The following SNTG1 variants were observed in gnomAD, a reference collection of about 807,000 sequenced individuals.
The protein encoded by SNTG1 is gamma-1-syntrophin.
In SNTG1, 39 loss-of-function variants were observed where a neutral mutation model predicts 74.7. That is an observed-to-expected ratio of 0.52 (90% CI 0.40 to 0.68). The LOEUF (loss-of-function observed/expected upper bound fraction) is 0.68, where lower values mean the gene tolerates loss of function less well. Ranked by LOEUF, SNTG1 falls within the 30% of genes least tolerant of loss-of-function variation. SNTG1 has a pLI of 0.00. For missense variants in SNTG1, 685 were observed against 609.5 expected (o/e 1.12, Z -1.30); for synonymous variants, 254 against 217.1 (o/e 1.17, Z -1.49).
chr8:50,419,013 A>T lies in SNTG1; in HGVS notation c.162+16669A>T, dbSNP rs527349925. Among the ~76,000 whole-genome samples, 15 of 148,324 alleles carry T rather than the reference A, an allele frequency of 1.0e-4. No individual in the cohort carries two copies. In the East Asian group the frequency reaches 1.8e-3, roughly 17 times the overall value. ...TTAAAAACTATGACTATTATCTTTT[A>T]AAAAAAATACCATAAGGCTCTGAAA... On this transcript the variant is annotated intron_variant, in intron 4 of 18. Transcript: ENST00000642720.
chr8:50,645,336 T>C (rs1483012046), intron 13 of SNTG1, among the ~76,000 whole-genome samples: 4 of 142,806 alleles, frequency 2.8e-5, no homozygotes, highest in Non-Finnish European at 6.0e-5. Context: ...CATTTTATTA[T>C]TTTGTAATTT....
intron 1 of SNTG1, among the ~76,000 whole-genome samples, chr8:50,064,264 C>G (rs943017863): frequency 6.6e-6 from 1 of 152,146 alleles, no homozygotes; most frequent in Non-Finnish European, 1.5e-5. Context: ...TTTGCCTCAT[C>G]TTTGGAAATG....
intron 18 of SNTG1, among the ~76,000 whole-genome samples, chr8:50,772,256 T>G (rs2095629050): frequency 1.3e-5 from 2 of 152,266 alleles, no homozygotes. Context: ...GGAGTTGAAC[T>G]GCCCAAGACC....
rs1563364922 is a variant in SNTG1, at chr8:50,422,335, T to TATC, written c.163-16206_163-16205insCAT. ...TTGATTGACCAAGTAGACAAAAAGA[T>TATC]ATATAGAAGGACTCAGAAACATTAT... On this transcript the variant is annotated intron_variant, in intron 4 of 18. Coordinates refer to ENST00000642720, the MANE Select transcript of SNTG1 (RefSeq NM_018967.5). Among the ~76,000 whole-genome samples, 144 of 151,908 alleles carry TATC rather than the reference T, an allele frequency of 9.5e-4. 2 individuals are homozygous for TATC. The highest frequency in any genetic ancestry group is 7.9e-3 in the Admixed American group (121 of 15,250).
intron 8 of SNTG1, among the ~76,000 whole-genome samples, chr8:50,453,727 A>T (rs1311229298): frequency 6.6e-6 from 1 of 152,196 alleles, no homozygotes; most frequent in African/African-American, 2.4e-5. Context: ...ATGGCACCAA[A>T]TGCCACCGCT....
chr8:50,010,708 C>T (rs1012411647), intron 1 of SNTG1, among the ~76,000 whole-genome samples: 30 of 150,442 alleles, frequency 2.0e-4, no homozygotes, highest in Non-Finnish European at 4.0e-4. Context: ...TAGGTATACT[C>T]AGAATATTTA....
At chr8:50,761,258 C>G (rs143592303) in intron 18 of SNTG1, among the ~76,000 whole-genome samples, 33 of 152,038 alleles carry the variant, frequency 2.2e-4, no homozygotes, top group African/African-American at 7.7e-4. Context: ...ATAAACAGAA[C>G]CAATGCAACG....
intron 12 of SNTG1, among the ~76,000 whole-genome samples, chr8:50,555,368 G>A (rs541560118): frequency 6.6e-5 from 10 of 152,126 alleles, no homozygotes; most frequent in Non-Finnish European, 1.5e-5. Flanking sequence ...CTACATAAAT[G>A]TTGAAAAGTT....
rs116587529 is a variant in SNTG1 at position 50,301,106 on chromosome 8, A to G, written c.-27-93106A>G. ...TTATGGAGCTACCTAGATGTACAGG[A>G]TAATATTTTTCATCAACTGTGGAAA... On this transcript the variant is annotated intron_variant, in intron 2 of 18. Transcript: ENST00000642720. Among the ~76,000 whole-genome samples, 1,287 of 152,216 alleles carry G rather than the reference A, an allele frequency of 8.5e-3. 22 individuals carry two copies. Among genetic ancestry groups the G allele is most frequent in the African/African-American group, 0.029 (1,219 of 41,548 alleles).
At chr8:50,301,322 T>A (rs1293890002) in intron 2 of SNTG1, among the ~76,000 whole-genome samples, 2 of 152,132 alleles carry the variant, frequency 1.3e-5, no homozygotes. Flanking sequence ...GTTCACTGAT[T>A]CTCTATTCTA....
chr8:50,066,339 T>C lies in SNTG1; in HGVS notation c.-102-106222T>C, dbSNP rs187213976. 5.5e-4 allele frequency among the ~76,000 whole-genome samples: 83 copies of C among 152,264 alleles called. No homozygotes were observed. In the East Asian group the frequency reaches 0.015, roughly 28 times the overall value. ...TTATATACATTTAAGATGTACTGTG[T>C]GGTATTTTGATATATATATATATAA... is the stretch of plus-strand genomic sequence containing the variant. On this transcript the variant is annotated intron_variant, in intron 1 of 18. Transcript: ENST00000642720.
chr8:50,134,966 G>A (rs1267795452), intron 1 of SNTG1, among the ~76,000 whole-genome samples: 1 of 152,128 alleles, frequency 6.6e-6, no homozygotes, highest in African/African-American at 2.4e-5. Flanking sequence ...CTGTAGCATA[G>A]AACTGATCCT....
At chr8:50,698,475 G>T (rs2095412482) in intron 15 of SNTG1, among the ~76,000 whole-genome samples, 1 of 152,052 alleles carries the variant, frequency 6.6e-6, no homozygotes, top group Non-Finnish European at 1.5e-5. Flanking sequence ...CTGTACTGGT[G>T]GGGGAAGGGG....
intron 1 of SNTG1, among the ~76,000 whole-genome samples, chr8:49,946,602 A>AT (rs994444842): frequency 1.5e-4 from 23 of 151,764 alleles, no homozygotes; most frequent in African/African-American, 2.4e-4. Context: ...TAAAAAGCTG[A>AT]TTTTTTTTTC....
intron 17 of SNTG1, among the ~76,000 whole-genome samples, chr8:50,737,912 A>G (rs112705983): frequency 0.021 from 3,136 of 152,190 alleles, 89 homozygotes; most frequent in African/African-American, 0.068. Context: ...AGTATCTCAA[A>G]ATAATAAGAG....
chr8:50,227,057 T>C lies in SNTG1; in HGVS notation c.-28+54422T>C, dbSNP rs528770216. Among the ~76,000 whole-genome samples the C allele has an allele frequency of 1.2e-4, 19 of 152,274 alleles. 1 individual carries two copies. Among genetic ancestry groups the C allele is most frequent in the African/African-American group, 4.6e-4 (19 of 41,558 alleles). Reference sequence around the variant, plus strand: ...TCTAGTTTTTACAACAAAATACATCTGGACACACTGAAAATCAATGATTTT... The same window carrying C: ...TCTAGTTTTTACAACAAAATACATCCGGACACACTGAAAATCAATGATTTT... On this transcript the variant is annotated intron_variant, in intron 2 of 18. Transcript: ENST00000642720.
chr8:50,011,238 T>C (rs1299481353), intron 1 of SNTG1, among the ~76,000 whole-genome samples: 1 of 152,160 alleles, frequency 6.6e-6, no homozygotes, highest in Non-Finnish European at 1.5e-5. Flanking sequence ...TACTAGCTTC[T>C]AACCTTAAAG....
chr8:50,337,549 C>G (rs1316212298), intron 2 of SNTG1, among the ~76,000 whole-genome samples: 1 of 152,180 alleles, frequency 6.6e-6, no homozygotes, highest in Non-Finnish European at 1.5e-5. Context: ...TAACAAAGGT[C>G]TCCCCTCAAG....
intron 1 of SNTG1, among the ~76,000 whole-genome samples, chr8:50,042,685 T>A (rs1818741393): frequency 6.6e-6 from 1 of 151,794 alleles, no homozygotes; most frequent in African/African-American, 2.4e-5. Flanking sequence ...GCCTCTCAAG[T>A]AGCTGGGACT....
Sources: gnomAD v4.1 joint callset for allele counts (sites outside exome capture counted in the v4.1 genomes callset) on GRCh38, gnomAD v4.1.1 for gene constraint, MANE v1.5 for transcripts, NCBI Gene and HGNC (gene_info 2026-07-23, HGNC 2026-07-21) for gene names.